The following CHL1 variants were observed in gnomAD, a reference collection of about 807,000 sequenced individuals.
The protein encoded by CHL1 is cell adhesion molecule L1 like, also known as neural cell adhesion molecule L1-like protein.
CHL1 carries 96 observed loss-of-function variants against 141.9 expected under a neutral mutation model. The observed-to-expected ratio is 0.68, with a 90% CI of 0.57 to 0.80. The LOEUF (loss-of-function observed/expected upper bound fraction) is 0.80, where lower values mean the gene tolerates loss of function less well. CHL1 is among the 30% of genes least tolerant of loss of function. The pLI is 0.00. For missense variants in CHL1, 1,820 were observed against 1,457.2 expected (o/e 1.25, Z -4.05); for synonymous variants, 613 against 502.2 (o/e 1.22, Z -2.95).
At chr3:261,435 G>A (rs1423135409) in intron 2 of CHL1, among the ~76,000 whole-genome samples, 3 of 152,078 alleles carry the variant, frequency 2.0e-5, no homozygotes, top group Non-Finnish European at 4.4e-5. Context: ...ATGAAGCATC[G>A]TGGAAGAAAA....
chr3:278,591 C>A (rs971668423), intron 2 of CHL1, among the ~76,000 whole-genome samples: 1 of 152,178 alleles, frequency 6.6e-6, no homozygotes, highest in Non-Finnish European at 1.5e-5. Flanking sequence ...ATAAAATTAA[C>A]CTGTTTTCCT....
At chr3:224,907 G>T (rs562415527) in intron 1 of CHL1, among the ~76,000 whole-genome samples, 112 of 152,202 alleles carry the variant, frequency 7.4e-4, no homozygotes, top group African/African-American at 2.6e-3. Flanking sequence ...AGGCTGAGGC[G>T]TGCAGATCAC....
intron 9 of CHL1, 53 bp downstream of exon 9, chr3:344,762 TAA>T (rs1446739417): frequency 6.4e-7 from 1 of 1,569,764 alleles, no homozygotes; most frequent in African/African-American, 1.4e-5. Flanking sequence ...CTGTAAAGAA[TAA>T]GACATCAAGC....
At position 382,198 on chromosome 3, in the gene CHL1, A is replaced by G; in HGVS notation, c.1896A>G (p.Glu632=). 1 of 1,613,460 alleles carries G rather than the reference A, an allele frequency of 6.2e-7. No homozygotes were observed. The highest frequency in any genetic ancestry group is 8.5e-7 in the Non-Finnish European group (1 of 1,179,628). ...AATTAGATGTTCCGGATCCACCAGA[A>G]AACCTTCACTTGTCTGAAAGACAGA... ...VTVLDVPDPP[E]NLHLSERQNR... Residue 632 remains glutamate (E), a synonymous_variant, in exon 17 of 28, where the codon GAA becomes GAG. Transcript: ENST00000256509.
intron 16 of CHL1, among the ~76,000 whole-genome samples, chr3:379,964 A>G (rs1015598373): frequency 2.2e-4 from 34 of 152,274 alleles, no homozygotes; most frequent in African/African-American, 8.2e-4. Flanking sequence ...CCTTTAATCA[A>G]AAGTTATTTT....
At chr3:300,828 A>G (rs1466203281) in intron 2 of CHL1, among the ~76,000 whole-genome samples, 2 of 152,348 alleles carry the variant, frequency 1.3e-5, no homozygotes, top group East Asian at 3.9e-4. Context: ...TTCCGAAGAA[A>G]GTGCAGCTGT....
At chr3:336,283 G>A (rs996609737) in intron 5 of CHL1, among the ~76,000 whole-genome samples, 2 of 152,048 alleles carry the variant, frequency 1.3e-5, no homozygotes, top group Admixed American at 1.3e-4. Context: ...AAAATATAAG[G>A]AAACCTTCTA....
chr3:234,921 C>T (rs1691806375), intron 1 of CHL1, among the ~76,000 whole-genome samples: 1 of 152,024 alleles, frequency 6.6e-6, no homozygotes, highest in Admixed American at 6.6e-5. Context: ...CCTAAATAAG[C>T]CTAAAAGACT....
intron 8 of CHL1, 30 bp downstream of exon 8, chr3:343,061 T>C: frequency 6.4e-7 from 1 of 1,568,768 alleles, no homozygotes; most frequent in Non-Finnish European, 8.7e-7. Flanking sequence ...AGTGTTGGCA[T>C]TTGTGTATAG....
At chr3:308,662 C>G (rs1699461308) in intron 2 of CHL1, 1 of 150,312 alleles carries the variant, frequency 6.7e-6, no homozygotes, top group Admixed American at 6.6e-5. Flanking sequence ...AATATATATA[C>G]TAGAATGATA....
chr3:404,098 C>A (rs966062909), intron 27 of CHL1, among the ~76,000 whole-genome samples: 18 of 152,198 alleles, frequency 1.2e-4, no homozygotes, highest in African/African-American at 4.1e-4. Flanking sequence ...TCATCTTAAT[C>A]ACTTAGGAGC....
chr3:386,714 A>T (rs1707752459), intron 19 of CHL1, among the ~76,000 whole-genome samples: 1 of 152,196 alleles, frequency 6.6e-6, no homozygotes, highest in African/African-American at 2.4e-5. Context: ...ATATAATCGC[A>T]TCCAAGATAG....
intron 3 of CHL1, among the ~76,000 whole-genome samples, chr3:322,660 AT>A (rs1559252853): frequency 7.1e-5 from 10 of 141,222 alleles, no homozygotes; most frequent in Non-Finnish European, 9.1e-5. Flanking sequence ...ATATATATAT[AT>A]ATATATATAA....
At chr3:268,276 A>G (rs1207337108) in intron 2 of CHL1, among the ~76,000 whole-genome samples, 1 of 152,100 alleles carries the variant, frequency 6.6e-6, no homozygotes, top group East Asian at 1.9e-4. Flanking sequence ...GCTCACTCCT[A>G]TAATCCCAGC....
chr3:372,565 G>A (rs1012600927), intron 15 of CHL1, among the ~76,000 whole-genome samples: 1 of 151,840 alleles, frequency 6.6e-6, no homozygotes, highest in African/African-American at 2.4e-5. Context: ...TCTCCTTTAG[G>A]TCAGCATAGT....
chr3:398,859 C>G (rs888802160), intron 25 of CHL1, among the ~76,000 whole-genome samples, 158 bp from the exon 26 acceptor site: 12 of 152,148 alleles, frequency 7.9e-5, no homozygotes, highest in Non-Finnish European at 1.3e-4. Flanking sequence ...CCAGTATTCT[C>G]CCATTAACAT....
At chr3:220,972 A>G (rs567491181) in intron 1 of CHL1, among the ~76,000 whole-genome samples, 14 of 152,316 alleles carry the variant, frequency 9.2e-5, no homozygotes, top group Admixed American at 9.2e-4. Flanking sequence ...CTTGGTCTCC[A>G]CAACCATCCT....
At chr3:337,340 G>C (rs535858599) in intron 5 of CHL1, among the ~76,000 whole-genome samples, 1 of 148,676 alleles carries the variant, frequency 6.7e-6, no homozygotes, top group East Asian at 2.0e-4. Context: ...ACAGGCGCCC[G>C]CCACCACGCC....
chr3:255,431 A>G (rs1345716158), intron 2 of CHL1, among the ~76,000 whole-genome samples: 2 of 152,106 alleles, frequency 1.3e-5, no homozygotes, highest in Non-Finnish European at 2.9e-5. Context: ...AGTAACTTAG[A>G]ATTCAGTAAC....
Sources: allele counts gnomAD v4.1 joint callset (sites outside exome capture counted in the v4.1 genomes callset), GRCh38; gene constraint gnomAD v4.1.1; transcripts MANE v1.5; gene names NCBI Gene and HGNC (gene_info 2026-07-23, HGNC 2026-07-21).